LIN7A: variants seen among roughly 807,000 people sequenced by gnomAD.
LIN7A encodes lin-7 cell polarity scaffold A, also known as protein lin-7 homolog A.
LIN7A carries 25 observed loss-of-function variants against 29.8 expected under a neutral mutation model. That is an observed-to-expected ratio of 0.84 (90% CI 0.61 to 1.17). LIN7A has a LOEUF of 1.17. LIN7A is among the 50% of genes most tolerant of loss of function. The pLI, the probability that LIN7A is intolerant of heterozygous loss-of-function variation, is 0.00. For missense variants in LIN7A, 239 were observed against 287.0 expected (o/e 0.83, Z 1.21); for synonymous variants, 118 against 107.5 (o/e 1.10, Z -0.60).
intron 4 of LIN7A, among the ~76,000 whole-genome samples, chr12:80,821,978 A>G (rs1871830521): frequency 6.6e-6 from 1 of 152,084 alleles, no homozygotes; most frequent in South Asian, 2.1e-4. Flanking sequence ...TGACAAGCCA[A>G]CCCCCTGACA....
At chr12:80,817,502 T>C (rs1871591624) in intron 4 of LIN7A, among the ~76,000 whole-genome samples, 1 of 152,200 alleles carries the variant, frequency 6.6e-6, no homozygotes, top group Non-Finnish European at 1.5e-5. Context: ...GGCTAGACCT[T>C]GTAGTTATTC....
chr12:80,827,621 A>G lies in LIN7A; in HGVS notation c.484-15938T>C, dbSNP rs76780626. Among the ~76,000 whole-genome samples, 139 of 152,334 alleles carry G rather than the reference A, an allele frequency of 9.1e-4. 1 individual carries two copies. The highest frequency in any genetic ancestry group is 1.7e-3 in the Non-Finnish European group (116 of 68,018). On this transcript the variant is annotated intron_variant, in intron 4 of 5. Transcript: ENST00000552864. ...TTATATTTCCTAATATTAATCTTCA[A>G]CATAGAAGCAACACTATGCTTTTGA...
At chr12:80,861,727 A>T (rs957623778) in intron 2 of LIN7A, among the ~76,000 whole-genome samples, 1 of 152,206 alleles carries the variant, frequency 6.6e-6, no homozygotes, top group African/African-American at 2.4e-5. Context: ...CCTGCAGACA[A>T]TCTCACATTT....
chr12:80,811,747 C>A, intron 4 of LIN7A, 64 bp from the exon 5 acceptor site: 1 of 1,546,568 alleles, frequency 6.5e-7, no homozygotes, highest in Non-Finnish European at 8.7e-7. Flanking sequence ...GGAGACAAAT[C>A]TGAAATTAAT....
At chr12:80,923,251 G>C (rs917955308) in intron 1 of LIN7A, among the ~76,000 whole-genome samples, 5 of 152,126 alleles carry the variant, frequency 3.3e-5, no homozygotes, top group Non-Finnish European at 7.4e-5. Flanking sequence ...AACTCATTGG[G>C]GTTCTCAGGC....
At chr12:80,801,325 C>T (rs1565881471) in intron 5 of LIN7A, among the ~76,000 whole-genome samples, 1 of 151,928 alleles carries the variant, frequency 6.6e-6, no homozygotes, top group Admixed American at 6.6e-5. Flanking sequence ...CAGAAAACAG[C>T]GTTGTGATGA....
intron 4 of LIN7A, among the ~76,000 whole-genome samples, chr12:80,815,241 A>C (rs934356249): frequency 2.0e-5 from 3 of 152,182 alleles, no homozygotes; most frequent in Non-Finnish European, 2.9e-5. Flanking sequence ...CTTTGTAATA[A>C]GAATAAGGCA....
At chr12:80,883,060 C>T (rs1449887459) in intron 2 of LIN7A, among the ~76,000 whole-genome samples, 1 of 151,060 alleles carries the variant, frequency 6.6e-6, no homozygotes. Context: ...CTCCCTCCTT[C>T]CTTCTTTCCT....
chr12:80,823,716 A>G (rs2121522941), intron 4 of LIN7A, among the ~76,000 whole-genome samples: 1 of 152,360 alleles, frequency 6.6e-6, no homozygotes, highest in South Asian at 2.1e-4. Flanking sequence ...CCAGCCAGAA[A>G]TGTGACACCC....
At chr12:80,903,514 G>A (rs899095682) in intron 1 of LIN7A, among the ~76,000 whole-genome samples, 1 of 152,012 alleles carries the variant, frequency 6.6e-6, no homozygotes, top group Non-Finnish European at 1.5e-5. Flanking sequence ...TCATGTTGCT[G>A]CAAAAGACAT....
intron 5 of LIN7A, among the ~76,000 whole-genome samples, chr12:80,803,877 T>G (rs1870840233): frequency 6.6e-6 from 1 of 152,134 alleles, no homozygotes; most frequent in African/African-American, 2.4e-5. Context: ...TAAGACTGAA[T>G]CCCCAGACAG....
At chr12:80,878,999 G>A (rs1300599893) in intron 2 of LIN7A, among the ~76,000 whole-genome samples, 1 of 152,174 alleles carries the variant, frequency 6.6e-6, no homozygotes, top group African/African-American at 2.4e-5. Flanking sequence ...CATTTATTCT[G>A]TAGTATTATT....
intron 1 of LIN7A, among the ~76,000 whole-genome samples, chr12:80,922,209 A>C (rs1288439130): frequency 6.6e-6 from 1 of 152,216 alleles, no homozygotes; most frequent in Non-Finnish European, 1.5e-5. Context: ...ATATAGCATT[A>C]CTTGGTCCAC....
intron 1 of LIN7A, among the ~76,000 whole-genome samples, chr12:80,922,806 G>A (rs1044937740): frequency 6.6e-6 from 1 of 152,134 alleles, no homozygotes; most frequent in South Asian, 2.1e-4. Context: ...GTAGCACAAT[G>A]AAACCCCTTG....
chr12:80,879,237 A>C (rs1356960), intron 2 of LIN7A, among the ~76,000 whole-genome samples: 103,033 of 151,320 alleles, frequency 0.68, 39,011 homozygotes, highest in Non-Finnish European at 0.87. Context: ...GATATTATAG[A>C]CCTTATTAAT....
At chr12:80,835,058 C>A (rs1872544374) in intron 4 of LIN7A, among the ~76,000 whole-genome samples, 1 of 152,090 alleles carries the variant, frequency 6.6e-6, no homozygotes, top group African/African-American at 2.4e-5. Flanking sequence ...ATAAATGATG[C>A]TTTTTTGGAC....
chr12:80,799,956 A>G (rs542975504), intron 5 of LIN7A, among the ~76,000 whole-genome samples: 1 of 152,214 alleles, frequency 6.6e-6, no homozygotes, highest in East Asian at 1.9e-4. Context: ...AGTCCAGCCT[A>G]GGCAACATAG....
intron 1 of LIN7A, among the ~76,000 whole-genome samples, chr12:80,910,599 A>G (rs1876701971): frequency 6.6e-6 from 1 of 152,158 alleles, no homozygotes; most frequent in African/African-American, 2.4e-5. Flanking sequence ...TAGATATGGA[A>G]TTATTCAAAT....
intron 5 of LIN7A, among the ~76,000 whole-genome samples, chr12:80,803,419 C>G (rs1423879073): frequency 6.6e-6 from 1 of 152,152 alleles, no homozygotes; most frequent in African/African-American, 2.4e-5. Context: ...ATACCTTTGT[C>G]AAAAATCAAT....
Sources: allele counts gnomAD v4.1 joint callset (sites outside exome capture counted in the v4.1 genomes callset), GRCh38; gene constraint gnomAD v4.1.1; transcripts MANE v1.5; gene names NCBI Gene and HGNC (gene_info 2026-07-23, HGNC 2026-07-21).